MALRD1: variants seen among roughly 807,000 people sequenced by gnomAD.
MALRD1 encodes the protein MAM and LDL-receptor class A domain-containing protein 1.
A neutral mutation model predicts 242.1 loss-of-function variants in MALRD1; 247 were observed. That is an observed-to-expected ratio of 1.02 (90% confidence interval 0.92 to 1.13). The LOEUF (loss-of-function observed/expected upper bound fraction) is 1.13. MALRD1 is among the 50% of genes most tolerant of loss of function. MALRD1 has a pLI of 0.00. For missense variants in MALRD1, 2,989 were observed against 2,533.1 expected (o/e 1.18, Z -3.86); for synonymous variants, 995 against 866.6 (o/e 1.15, Z -2.60).
intron 28 of MALRD1, among the ~76,000 whole-genome samples, chr10:19,416,713 A>G (rs1364650422): frequency 6.6e-6 from 1 of 152,082 alleles, no homozygotes; most frequent in African/African-American, 2.4e-5. Flanking sequence ...ATGCTCTTCT[A>G]TTTCAAGTCT....
At chr10:19,223,890 A>G (rs1306279339) in intron 18 of MALRD1, among the ~76,000 whole-genome samples, 1 of 152,108 alleles carries the variant, frequency 6.6e-6, no homozygotes, top group Non-Finnish European at 1.5e-5. Context: ...ATCCTTTTTT[A>G]TAGCTGCATA....
At chr10:19,095,352 C>G (rs1405101802) in intron 4 of MALRD1, among the ~76,000 whole-genome samples, 1 of 152,122 alleles carries the variant, frequency 6.6e-6, no homozygotes, top group East Asian at 1.9e-4. Context: ...CAAAAAATCC[C>G]TTAACAGATG....
intron 26 of MALRD1, among the ~76,000 whole-genome samples, chr10:19,368,403 C>G (rs975154240): frequency 2.0e-5 from 3 of 151,898 alleles, no homozygotes; most frequent in Middle Eastern, 3.2e-3. Context: ...ATTCTTGGTG[C>G]CTTTGTCAAA....
At chr10:19,347,055 T>A (rs116159952) in intron 24 of MALRD1, among the ~76,000 whole-genome samples, 3,335 of 152,262 alleles carry the variant, frequency 0.022, 95 homozygotes, top group African/African-American at 0.067. Context: ...CATACAACAA[T>A]GCTCAGTTTT....
chr10:19,431,567 A>G (rs1035099030), intron 28 of MALRD1, among the ~76,000 whole-genome samples: 1 of 152,114 alleles, frequency 6.6e-6, no homozygotes. Flanking sequence ...CACGTTGAAC[A>G]TTTTGCTTTT....
intron 28 of MALRD1, among the ~76,000 whole-genome samples, chr10:19,396,972 C>T (rs7095630): frequency 0.84 from 128,513 of 152,130 alleles, 54,638 homozygotes; most frequent in African/African-American, 0.89. Flanking sequence ...TTATTTTTAA[C>T]TGACATAATA....
intron 32 of MALRD1, among the ~76,000 whole-genome samples, chr10:19,539,757 A>G (rs1834854037): frequency 6.7e-6 from 1 of 149,920 alleles, no homozygotes; most frequent in African/African-American, 2.5e-5. Context: ...TGCAGTCTCC[A>G]CTCACTGCAG....
intron 19 of MALRD1, among the ~76,000 whole-genome samples, chr10:19,278,312 A>G (rs1840634482): frequency 6.6e-6 from 1 of 152,248 alleles, no homozygotes; most frequent in South Asian, 2.1e-4. Flanking sequence ...TGAAAGTTTA[A>G]GCATCAGCTT....
chr10:19,123,071 G>A (rs1837122457), intron 5 of MALRD1, among the ~76,000 whole-genome samples: 1 of 152,150 alleles, frequency 6.6e-6, no homozygotes, highest in Non-Finnish European at 1.5e-5. Context: ...AGAGAAAGCA[G>A]TTCCAGGGAA....
intron 11 of MALRD1, among the ~76,000 whole-genome samples, chr10:19,147,621 T>C (rs1833768057): frequency 6.6e-6 from 1 of 152,234 alleles, no homozygotes; most frequent in South Asian, 2.1e-4. Flanking sequence ...GATACCTGGA[T>C]GCACAAAGAT....
chr10:19,395,840 A>G (rs1846553338), intron 28 of MALRD1, among the ~76,000 whole-genome samples: 3 of 152,102 alleles, frequency 2.0e-5, no homozygotes, highest in Admixed American at 1.3e-4. Flanking sequence ...CATGTTCTTT[A>G]CCTCTTTCAG....
At chr10:19,233,841 T>C (rs1838186375) in intron 18 of MALRD1, among the ~76,000 whole-genome samples, 1 of 127,800 alleles carries the variant, frequency 7.8e-6, no homozygotes, top group Non-Finnish European at 1.7e-5. Context: ...TTTTCTCCAA[T>C]TGGTTTCTTT....
intron 12 of MALRD1, among the ~76,000 whole-genome samples, chr10:19,156,628 C>G (rs113644363): frequency 4.5e-4 from 68 of 152,182 alleles, no homozygotes; most frequent in African/African-American, 1.6e-3. Flanking sequence ...ATTCTGTCTG[C>G]TTTACAGAAA....
intron 13 of MALRD1, among the ~76,000 whole-genome samples, chr10:19,168,163 C>T (rs1401572632): frequency 6.6e-6 from 1 of 152,136 alleles, no homozygotes; most frequent in Non-Finnish European, 1.5e-5. Context: ...CGTCCCTTCT[C>T]AAAGATCAAT....
At chr10:19,538,133 T>A (rs923855669) in intron 32 of MALRD1, among the ~76,000 whole-genome samples, 3 of 152,178 alleles carry the variant, frequency 2.0e-5, no homozygotes, top group Middle Eastern at 3.2e-3. Flanking sequence ...CAAAGTGAAA[T>A]TCAATTATGA....
intron 32 of MALRD1, among the ~76,000 whole-genome samples, chr10:19,548,555 C>T (rs989808487): frequency 1.3e-5 from 2 of 152,268 alleles, no homozygotes; most frequent in South Asian, 4.1e-4. Context: ...AAAATTGTCA[C>T]CGTGCCCGGC....
At chr10:19,394,026 C>A (rs944503384) in intron 28 of MALRD1, among the ~76,000 whole-genome samples, 1 of 152,088 alleles carries the variant, frequency 6.6e-6, no homozygotes, top group Admixed American at 6.5e-5. Context: ...TTACTGCATG[C>A]TTTAGGGAAT....
intron 33 of MALRD1, among the ~76,000 whole-genome samples, chr10:19,588,917 A>G (rs755779890): frequency 6.6e-6 from 1 of 152,208 alleles, no homozygotes; most frequent in Non-Finnish European, 1.5e-5. Context: ...TGCCAGGATT[A>G]CAGGCATGAG....
intron 21 of MALRD1, among the ~76,000 whole-genome samples, chr10:19,298,930 A>C (rs1218142372): frequency 6.6e-6 from 1 of 151,930 alleles, no homozygotes; most frequent in Non-Finnish European, 1.5e-5. Context: ...AATGTATCAG[A>C]GAAAAAAAAA....
Sources: gnomAD v4.1 joint callset for allele counts (sites outside exome capture counted in the v4.1 genomes callset) on GRCh38, gnomAD v4.1.1 for gene constraint, MANE v1.5 for transcripts, NCBI Gene and HGNC (gene_info 2026-07-23, HGNC 2026-07-21) for gene names.